HECW1: variants seen among roughly 807,000 people sequenced by gnomAD.
The protein encoded by HECW1 is E3 ubiquitin-protein ligase HECW1.
HECW1 carries 61 observed loss-of-function variants against 182.3 expected under a neutral mutation model. The observed-to-expected ratio is 0.33, with a 90% CI of 0.27 to 0.41. The LOEUF (loss-of-function observed/expected upper bound fraction) is 0.41, where lower values mean the gene tolerates loss of function less well. Ranked by LOEUF, HECW1 falls within the 10% of genes least tolerant of loss-of-function variation. The pLI, the probability that HECW1 is intolerant of heterozygous loss-of-function variation, is 1.00. For missense variants in HECW1, 1,739 were observed against 2,108.9 expected, an observed-to-expected ratio of 0.82 and a Z score of 3.44; for synonymous variants, 859 against 832.6, an observed-to-expected ratio of 1.03 and a Z score of -0.55.
At chr7:43,120,701 T>G (rs762205782) in intron 2 of HECW1, among the ~76,000 whole-genome samples, 3 of 152,114 alleles carry the variant, frequency 2.0e-5, no homozygotes, top group African/African-American at 4.8e-5. Context: ...TTGAGTGCAG[T>G]GGCATGATCT....
intron 11 of HECW1, among the ~76,000 whole-genome samples, chr7:43,449,123 A>G (rs560665744): frequency 1.3e-5 from 2 of 152,368 alleles, no homozygotes; most frequent in South Asian, 4.1e-4. Flanking sequence ...TTCAAGAGGT[A>G]AGTCTATTGT....
chr7:43,141,530 G>A (rs1198244306), intron 2 of HECW1, among the ~76,000 whole-genome samples: 1 of 151,764 alleles, frequency 6.6e-6, no homozygotes, highest in Non-Finnish European at 1.5e-5. Flanking sequence ...ACAGAGTTTC[G>A]CTGTTGTTGC....
At chr7:43,412,033 G>C (rs1274376828) in intron 8 of HECW1, among the ~76,000 whole-genome samples, 1 of 151,850 alleles carries the variant, frequency 6.6e-6, no homozygotes, top group African/African-American at 2.4e-5. Context: ...TCCCCTTCTT[G>C]ACTTGTTTTT....
rs550921490 is a variant in HECW1 at position 43,407,512 on chromosome 7, C to A, written c.632-50C>A. On this transcript the variant is annotated intron_variant, in intron 7 of 29. Coordinates refer to ENST00000395891, the MANE Select transcript of HECW1 (RefSeq NM_015052.5). ...AAAGGTGTGGTTACCAAATGCCAGT[C>A]GTTAACCTCCCTAAAACATATTTAA... is the stretch of plus-strand genomic sequence containing the variant. 2.9e-6 allele frequency: 4 copies of A among 1,399,054 alleles called. No individual in the cohort carries two copies. In the South Asian group the frequency reaches 4.0e-5, roughly 14 times the overall value. 86.7% of individuals were successfully genotyped at this position (1,399,054 alleles called of 1,614,324 possible).
chr7:43,270,812 A>T (rs1802315305), intron 3 of HECW1, among the ~76,000 whole-genome samples: 1 of 152,256 alleles, frequency 6.6e-6, no homozygotes, highest in African/African-American at 2.4e-5. Context: ...GGTAGATATC[A>T]ATAGATTTCA....
At chr7:43,137,232 C>T (rs911249411) in intron 2 of HECW1, among the ~76,000 whole-genome samples, 1 of 152,178 alleles carries the variant, frequency 6.6e-6, no homozygotes, top group Non-Finnish European at 1.5e-5. Context: ...CCCCTCCCTC[C>T]CAGCAGGCAT....
chr7:43,326,844 G>A (rs912448458), intron 5 of HECW1, among the ~76,000 whole-genome samples: 7 of 152,214 alleles, frequency 4.6e-5, no homozygotes, highest in Non-Finnish European at 7.3e-5. Flanking sequence ...TCTCTCCCTT[G>A]ACATTCAGAG....
intron 3 of HECW1, among the ~76,000 whole-genome samples, chr7:43,270,695 G>A (rs78303700): frequency 2.6e-5 from 4 of 152,202 alleles, no homozygotes; most frequent in Middle Eastern, 3.4e-3. Flanking sequence ...AATCAATATA[G>A]CATTTGCAGA....
Position 43,304,459 on chromosome 7 carries a change from G to GTTATTTAT in HECW1, c.28-7263_28-7256dup, listed in dbSNP as rs61241516. Among the ~76,000 whole-genome samples, 250 of 141,362 alleles carry GTTATTTAT rather than the reference G, an allele frequency of 1.8e-3. 3 individuals are homozygous for GTTATTTAT. Among genetic ancestry groups the GTTATTTAT allele is most frequent in the South Asian group, 4.4e-3 (18 of 4,130 alleles). The allele number at this position is 141,362 out of a possible 152,430, so 92.7% of individuals were successfully genotyped here. ...CAAGTGCATTCATTCATTCAACACAGTTATTTATTTATTTATTTATTTATT... is the reference window on the plus strand; with the variant it reads ...CAAGTGCATTCATTCATTCAACACAGTTATTTATTTATTTATTTATTTATTTATTTATT... On this transcript the variant is annotated intron_variant, in intron 3 of 29. Coordinates refer to ENST00000395891, the MANE Select transcript of HECW1 (RefSeq NM_015052.5).
intron 5 of HECW1, among the ~76,000 whole-genome samples, chr7:43,346,768 T>A (rs1813738627): frequency 6.6e-6 from 1 of 152,180 alleles, no homozygotes; most frequent in Non-Finnish European, 1.5e-5. Context: ...CCACTTTATG[T>A]TTTTGTTTGC....
chr7:43,535,391 G>A (rs2081141554), intron 24 of HECW1, among the ~76,000 whole-genome samples: 1 of 152,156 alleles, frequency 6.6e-6, no homozygotes, highest in South Asian at 2.1e-4. Flanking sequence ...ATGTGTTTTT[G>A]AAAGGTCAGA....
chr7:43,403,875 A>AT (rs1354397408), intron 7 of HECW1, among the ~76,000 whole-genome samples: 1 of 152,236 alleles, frequency 6.6e-6, no homozygotes, highest in South Asian at 2.1e-4. Flanking sequence ...TTAAAATTCT[A>AT]TTTTTTCATT....
chr7:43,528,047 G>A (rs2080828230), intron 24 of HECW1, among the ~76,000 whole-genome samples: 1 of 150,838 alleles, frequency 6.6e-6, no homozygotes, highest in Non-Finnish European at 1.5e-5. Context: ...AGCTATTTTG[G>A]TCCATTAATT....
intron 2 of HECW1, among the ~76,000 whole-genome samples, chr7:43,169,261 T>A (rs1020372472): frequency 2.0e-5 from 3 of 152,174 alleles, no homozygotes; most frequent in African/African-American, 7.2e-5. Context: ...AATACCTGTA[T>A]GGAGGTGAAA....
At position 43,450,891 on chromosome 7, in the gene HECW1, A is replaced by G. The variant is rs1381933414; in HGVS notation, c.2462A>G (p.His821Arg). The G allele has an allele frequency of 4.3e-6, 7 of 1,613,504 alleles. No homozygotes were observed. Among genetic ancestry groups the G allele is most frequent in the Non-Finnish European group, 5.1e-6 (6 of 1,179,466 alleles). Residue 821 changes from histidine to arginine, a missense_variant, in exon 12 of 30, where the codon CAT (histidine) becomes CGT (arginine). By Grantham distance (29) the His-to-Arg change is conservative. This residue lies in a region of HECW1 where 971 missense variants were observed against 1,029.1 expected (regional missense o/e 0.94). Transcript: ENST00000395891. ...CAGCTTCCTTCCCTGAGGCCTGAAC[A>G]TCATCACTACCCAACAATCGATGAG... is the stretch of plus-strand genomic sequence containing the variant. Reference protein sequence around the residue: ...VSQLPSLRPEHHHYPTIDEPL... With the variant: ...VSQLPSLRPERHHYPTIDEPL...
At chr7:43,425,604 A>G (rs1275074936) in intron 8 of HECW1, among the ~76,000 whole-genome samples, 2 of 152,152 alleles carry the variant, frequency 1.3e-5, no homozygotes, top group African/African-American at 4.8e-5. Flanking sequence ...TAAATAAAAG[A>G]AGTTTATTCA....
At chr7:43,503,549 A>G (rs928271576) in intron 21 of HECW1, among the ~76,000 whole-genome samples, 1 of 152,268 alleles carries the variant, frequency 6.6e-6, no homozygotes, top group Admixed American at 6.5e-5. Flanking sequence ...AACTTTCCTG[A>G]TAGAGATATG....
At chr7:43,551,097 C>G (rs1212916020) in intron 27 of HECW1, among the ~76,000 whole-genome samples, 1 of 152,198 alleles carries the variant, frequency 6.6e-6, no homozygotes, top group Admixed American at 6.5e-5. Flanking sequence ...AGTTTAAAAA[C>G]CAGAGGCTAT....
At chr7:43,173,097 G>T (rs775972937) in intron 2 of HECW1, among the ~76,000 whole-genome samples, 6 of 152,056 alleles carry the variant, frequency 3.9e-5, no homozygotes, top group Non-Finnish European at 7.4e-5. Flanking sequence ...ACATATTCTG[G>T]TTCTATGTAA....
Sources: allele counts gnomAD v4.1 joint callset (sites outside exome capture counted in the v4.1 genomes callset), GRCh38; gene constraint gnomAD v4.1.1; regional missense constraint gnomAD v4.1.1; transcripts MANE v1.5; gene names NCBI Gene and HGNC (gene_info 2026-07-23, HGNC 2026-07-21).